SMG6: variants seen among roughly 807,000 people sequenced by gnomAD.
SMG6 encodes SMG6 nonsense mediated mRNA decay factor, also known as telomerase-binding protein EST1A.
Under a neutral mutation model 142.2 loss-of-function variants are expected in SMG6, and 66 were observed. That is an observed-to-expected ratio of 0.46 (90% CI 0.38 to 0.57). The LOEUF (loss-of-function observed/expected upper bound fraction) is 0.57, where lower values mean the gene tolerates loss of function less well. Among genes scored for constraint, SMG6 ranks in the 20% least tolerant of loss-of-function variants. The pLI is 0.00. For missense variants in SMG6, 1,793 were observed against 1,832.0 expected (o/e 0.98, Z 0.39); for synonymous variants, 779 against 702.4 (o/e 1.11, Z -1.72).
At chr17:2,298,808 T>C (rs1490598887) in intron 2 of SMG6, 98 bp downstream of exon 2, 16 of 1,106,052 alleles carry the variant, frequency 1.4e-5, no homozygotes, top group Non-Finnish European at 1.9e-5. Context: ...TAATACCCAG[T>C]GGCTCAGCTA....
rs772558280 is a variant in SMG6, at chr17:2,068,707, G to A, written c.3835+71C>T. Reference sequence around the variant, plus strand: ...CAGGGCTCTGCCTGCCTGGCCCCCAGGCCGTGGGGCGTGTGTGGAGGGGGC... The same window carrying A: ...CAGGGCTCTGCCTGCCTGGCCCCCAAGCCGTGGGGCGTGTGTGGAGGGGGC... On this transcript the variant is annotated intron_variant, in intron 16 of 18. Coordinates refer to ENST00000263073, the MANE Select transcript of SMG6 (RefSeq NM_017575.5). This position sits in a 1 kb window ranked among gnomAD's most constrained non-coding sequence, Gnocchi z 6.7. The A allele has an allele frequency of 3.6e-5, 54 of 1,519,516 alleles. No individual in the cohort carries two copies. Among genetic ancestry groups the A allele is most frequent in the East Asian group, 2.1e-4 (9 of 43,668 alleles). 94.1% of individuals were successfully genotyped at this position (1,519,516 alleles called of 1,614,324 possible). A position where few individuals can be genotyped will look rare whatever the true frequency, so the allele number is the denominator to read the frequency against.
At chr17:2,119,536 G>A (rs2069617011) in intron 13 of SMG6, among the ~76,000 whole-genome samples, 3 of 152,058 alleles carry the variant, frequency 2.0e-5, no homozygotes, top group African/African-American at 7.2e-5. Flanking sequence ...GTCTTGCTCT[G>A]TTGCCCAGGC....
At chr17:2,190,679 T>A (rs904293039) in intron 10 of SMG6, among the ~76,000 whole-genome samples, 1 of 152,190 alleles carries the variant, frequency 6.6e-6, no homozygotes, top group African/African-American at 2.4e-5. Context: ...TAGCAACAGC[T>A]GGAGTCTCTT....
At chr17:2,168,536 T>C (rs180691484) in intron 13 of SMG6, among the ~76,000 whole-genome samples, 12 of 152,150 alleles carry the variant, frequency 7.9e-5, no homozygotes, top group African/African-American at 2.9e-4. Flanking sequence ...AACTCCTAGG[T>C]TGGCCATGGA....
intron 12 of SMG6, among the ~76,000 whole-genome samples, chr17:2,178,739 A>G (rs557246969): frequency 1.2e-4 from 18 of 152,150 alleles, no homozygotes; most frequent in Non-Finnish European, 2.2e-4. Flanking sequence ...TCATATCACT[A>G]TGGTGTGCTA....
At chr17:2,236,669 C>CCT in intron 9 of SMG6, 32 bp from the exon 10 acceptor site, 1 of 1,590,924 alleles carries the variant, frequency 6.3e-7, no homozygotes, top group Non-Finnish European at 8.6e-7. Flanking sequence ...CAATGAGGCA[C>CCT]CTCTCTCTTT....
At chr17:2,131,865 A>C (rs1954738362) in intron 13 of SMG6, among the ~76,000 whole-genome samples, 1 of 152,154 alleles carries the variant, frequency 6.6e-6, no homozygotes, top group African/African-American at 2.4e-5. Flanking sequence ...TGAGGACACG[A>C]GTTCAAGACC....
chr17:2,062,897 A>G (rs533906380), intron 18 of SMG6: 1 of 152,326 alleles, frequency 6.6e-6, no homozygotes, highest in East Asian at 1.9e-4. Context: ...GGTGGTGGCG[A>G]GAGAAGAGGA....
intron 13 of SMG6, among the ~76,000 whole-genome samples, chr17:2,138,991 T>C (rs1419906933): frequency 6.6e-6 from 1 of 152,188 alleles, no homozygotes; most frequent in Non-Finnish European, 1.5e-5. Flanking sequence ...CATTCCAAAC[T>C]GCTGGAGATG....
intron 13 of SMG6, among the ~76,000 whole-genome samples, chr17:2,100,776 G>A (rs539586819): frequency 6.6e-6 from 1 of 152,174 alleles, no homozygotes; most frequent in East Asian, 1.9e-4. Flanking sequence ...TGAACTCCCA[G>A]GCTCAAGAGA....
chr17:2,160,675 T>A (rs1329156076), intron 13 of SMG6, among the ~76,000 whole-genome samples: 3 of 151,926 alleles, frequency 2.0e-5, no homozygotes, highest in African/African-American at 7.3e-5. Flanking sequence ...ACAAAAAATT[T>A]AAAAATTAGC....
At chr17:2,295,359 G>A (rs951981430) in intron 4 of SMG6, among the ~76,000 whole-genome samples, 1 of 152,016 alleles carries the variant, frequency 6.6e-6, no homozygotes, top group Non-Finnish European at 1.5e-5. Context: ...CAAAAAAAAC[G>A]AAAAACAAAG....
chr17:2,252,753 G>C (rs749316337), intron 8 of SMG6, among the ~76,000 whole-genome samples: 1 of 152,018 alleles, frequency 6.6e-6, no homozygotes, highest in Non-Finnish European at 1.5e-5. Flanking sequence ...GGGGCACTTC[G>C]AATCAACATT....
intron 10 of SMG6, among the ~76,000 whole-genome samples, chr17:2,217,322 C>T (rs2073047501): frequency 6.6e-6 from 1 of 151,824 alleles, no homozygotes; most frequent in Admixed American, 6.6e-5. Context: ...TTTAATTCTA[C>T]CATCTTAGAG....
intron 6 of SMG6, among the ~76,000 whole-genome samples, chr17:2,285,102 CA>C (rs879271515): frequency 1.4e-4 from 22 of 152,074 alleles, no homozygotes; most frequent in Non-Finnish European, 2.1e-4. Context: ...ACATATTTAT[CA>C]AGTCTAATTT....
At chr17:2,229,493 TTTACTAGCTGTGCA>T in intron 10 of SMG6, 1 of 152,342 alleles carries the variant, frequency 6.6e-6, no homozygotes, top group East Asian at 1.9e-4. Context: ...CTGTGTATAA[TTTACTAGCTGTGCA>T]GCCCTGCTTA....
rs117093183 is a variant in SMG6 at position 2,279,748 on chromosome 17, C to A, written c.2661+2899G>T. On this transcript the variant is annotated intron_variant, in intron 8 of 18. Coordinates refer to ENST00000263073, the MANE Select transcript of SMG6 (RefSeq NM_017575.5). ...GGAAAGGAACATGTCAAGCACGACT[C>A]CAGTCGCTCACAGGAGAACTTCTCA... Among the ~76,000 whole-genome samples, 253 of 152,278 alleles carry A rather than the reference C, an allele frequency of 1.7e-3. 3 individuals carry two copies. In the East Asian group the frequency reaches 0.041, roughly 25 times the overall value.
Position 2,186,816 on chromosome 17 carries a change from G to T in SMG6, c.3002C>A (p.Pro1001His), listed in dbSNP as rs1168046598. Residue 1001 changes from proline to histidine, a missense_variant, in exon 12 of 19, where the codon CCT becomes CAT. Physicochemically the swap from Pro to His is moderately conservative, Grantham distance 77. Coordinates refer to ENST00000263073, the MANE Select transcript of SMG6 (RefSeq NM_017575.5). ...KESAKAQLSS[P>H]EDQDDQDDIK... ...GTCGTCTTGGTCATCCTGGTCCTCA[G>T]GAGAGGACAGCTGAGCTGCAGAGGC... 3 of 1,614,150 alleles carry T rather than the reference G, an allele frequency of 1.9e-6. No homozygotes were observed. The highest frequency in any genetic ancestry group is 2.5e-6 in the Non-Finnish European group (3 of 1,180,020).
At chr17:2,279,001 C>A (rs916517376) in intron 8 of SMG6, among the ~76,000 whole-genome samples, 2 of 152,150 alleles carry the variant, frequency 1.3e-5, no homozygotes, top group Non-Finnish European at 1.5e-5. Flanking sequence ...AGTGAACACA[C>A]TAGATATGAC....
Sources: gnomAD v4.1 joint callset for allele counts (sites outside exome capture counted in the v4.1 genomes callset) on GRCh38, gnomAD v4.1.1 for gene constraint, Gnocchi (gnomAD v3.1) non-coding constraint, MANE v1.5 for transcripts, NCBI Gene and HGNC (gene_info 2026-07-23, HGNC 2026-07-21) for gene names.